ASCC3: variants seen among roughly 807,000 people sequenced by gnomAD.
The protein encoded by ASCC3 is ASC-1 complex subunit P200.
ASCC3 carries 158 observed loss-of-function variants against 256.3 expected under a neutral mutation model. The ratio of observed to expected loss-of-function variants is 0.62; its 90% CI spans 0.54 to 0.70. ASCC3 has a LOEUF of 0.70. ASCC3 is among the 30% of genes least tolerant of loss of function. The pLI is 0.00. For synonymous variants in ASCC3, 948 were observed against 883.4 expected, an observed-to-expected ratio of 1.07 and a Z score of -1.30; for missense variants, 2,259 against 2,626.0, an observed-to-expected ratio of 0.86 and a Z score of 3.05.
At chr6:100,804,838 T>C (rs187941419) in intron 5 of ASCC3, among the ~76,000 whole-genome samples, 1 of 152,248 alleles carries the variant, frequency 6.6e-6, no homozygotes, top group African/African-American at 2.4e-5. Flanking sequence ...TGAAAAGTAG[T>C]TTAGAGATTT....
intron 29 of ASCC3, among the ~76,000 whole-genome samples, chr6:100,627,043 C>T (rs1185579818): frequency 6.6e-6 from 1 of 152,100 alleles, no homozygotes; most frequent in African/African-American, 2.4e-5. Flanking sequence ...TCAACAGCAG[C>T]TCACATTTGA....
intron 10 of ASCC3, among the ~76,000 whole-genome samples, chr6:100,757,487 T>C (rs1365603901): frequency 1.3e-5 from 2 of 152,028 alleles, no homozygotes; most frequent in Non-Finnish European, 2.9e-5. Context: ...AAAATAAAAC[T>C]TTAAATCATT....
At position 100,841,659 on chromosome 6, in the gene ASCC3, A is replaced by G. The variant is rs77388522; in HGVS notation, c.801+6489T>C. 4.1e-5 allele frequency among the ~76,000 whole-genome samples: 6 copies of G among 147,640 alleles called. No individual in the cohort carries two copies. In the East Asian group the frequency reaches 1.2e-3, roughly 30 times the overall value. On this transcript the variant is annotated intron_variant, in intron 4 of 41. Coordinates refer to ENST00000369162, the MANE Select transcript of ASCC3 (RefSeq NM_006828.4). ...GTGTTGATAATGGATTAATGTCAAC[A>G]TAAAAGAAAACTGAAGTTGTGCATA...
chr6:100,718,149 G>C lies in ASCC3; in HGVS notation c.2005C>G (p.Leu669Val), dbSNP rs778332971. ...CGAAAACGGCCATCAAAGAAGAAAAGTCCAATGTATGGATTAACATGTAAA... is the reference window on the plus strand; with the variant it reads ...CGAAAACGGCCATCAAAGAAGAAAACTCCAATGTATGGATTAACATGTAAA... ...TFLHVNPYIG[L>V]FFFDGRFRPV... Residue 669 changes from leucine to valine, a missense_variant, in exon 12 of 42, where the codon CTT becomes GTT. This residue lies in a region of ASCC3 where 1,839 missense variants were observed against 2,206.7 expected (regional missense o/e 0.83). Transcript: ENST00000369162. 1.2e-6 allele frequency: 2 copies of C among 1,613,604 alleles called. No individual in the cohort carries two copies. The highest frequency in any genetic ancestry group is 1.7e-6 in the Non-Finnish European group (2 of 1,179,806).
At chr6:100,853,253 GTTTTC>G (rs1170817230) in intron 3 of ASCC3, among the ~76,000 whole-genome samples, 2 of 152,090 alleles carry the variant, frequency 1.3e-5, no homozygotes, top group African/African-American at 4.8e-5. Context: ...ATCTACGTCT[GTTTTC>G]TTTTGATTCA....
intron 19 of ASCC3, 84 bp downstream of exon 19, chr6:100,651,476 T>C: frequency 1.5e-6 from 1 of 652,572 alleles, no homozygotes; most frequent in Admixed American, 2.6e-5. Context: ...CCATACAGCT[T>C]ATATGGTATT....
intron 13 of ASCC3, among the ~76,000 whole-genome samples, chr6:100,681,556 G>A (rs1012936035): frequency 4.6e-5 from 7 of 151,486 alleles, no homozygotes; most frequent in Admixed American, 1.3e-4. Context: ...GTGAAACCCC[G>A]TCTCTACTAA....
At chr6:100,712,749 CTCTTTT>C in intron 13 of ASCC3, among the ~76,000 whole-genome samples, 1 of 105,080 alleles carries the variant, frequency 9.5e-6, no homozygotes, top group Admixed American at 1.4e-4. Flanking sequence ...AGCAATTATA[CTCTTTT>C]TTTTTTTTTT....
rs552752439 is a variant in ASCC3, at chr6:100,544,199, C to T, written c.5551-3812G>A. On this transcript the variant is annotated intron_variant, in intron 36 of 41. Coordinates refer to ENST00000369162, the MANE Select transcript of ASCC3 (RefSeq NM_006828.4). ...CTTAGGAGGGATTTATAAAACTAAA[C>T]ATCTATATTAGAATTGAAGAAAGGT... is the stretch of plus-strand genomic sequence containing the variant. Among the ~76,000 whole-genome samples, 11 of 152,140 alleles carry T rather than the reference C, an allele frequency of 7.2e-5. No homozygotes were observed. The South Asian group carries it at 2.3e-3, about 32-fold the overall frequency.
At chr6:100,729,306 G>A (rs1779785654) in intron 10 of ASCC3, among the ~76,000 whole-genome samples, 1 of 152,166 alleles carries the variant, frequency 6.6e-6, no homozygotes, top group South Asian at 2.1e-4. Flanking sequence ...GAGAGAATGT[G>A]TGTGTGAACA....
intron 36 of ASCC3, among the ~76,000 whole-genome samples, chr6:100,573,688 AGTT>A (rs1770711116): frequency 6.6e-6 from 1 of 152,090 alleles, no homozygotes; most frequent in African/African-American, 2.4e-5. Flanking sequence ...AATTCTACGT[AGTT>A]ATTATATCAC....
intron 13 of ASCC3, among the ~76,000 whole-genome samples, chr6:100,686,022 C>A (rs1382139267): frequency 6.6e-6 from 1 of 152,172 alleles, no homozygotes; most frequent in African/African-American, 2.4e-5. Flanking sequence ...AAGAGCCTGG[C>A]ATACAGCAAA....
intron 5 of ASCC3, among the ~76,000 whole-genome samples, chr6:100,803,228 T>C (rs1411477322): frequency 6.6e-6 from 1 of 152,160 alleles, no homozygotes; most frequent in Non-Finnish European, 1.5e-5. Context: ...TTAGGCTTTA[T>C]GTCCCCATAC....
At chr6:100,747,670 A>T (rs1010026143) in intron 10 of ASCC3, among the ~76,000 whole-genome samples, 2 of 152,156 alleles carry the variant, frequency 1.3e-5, no homozygotes, top group Non-Finnish European at 2.9e-5. Context: ...ATAAAATTTT[A>T]AAAATGTAAA....
At chr6:100,581,189 G>T (rs1224771553) in intron 36 of ASCC3, among the ~76,000 whole-genome samples, 1 of 152,154 alleles carries the variant, frequency 6.6e-6, no homozygotes, top group East Asian at 1.9e-4. Flanking sequence ...CTACTTTACA[G>T]TCCCACCAAC....
chr6:100,860,896 T>C (rs1166629943), intron 3 of ASCC3, among the ~76,000 whole-genome samples: 2 of 152,068 alleles, frequency 1.3e-5, no homozygotes, highest in Admixed American at 6.6e-5. Flanking sequence ...TGTCAACTCA[T>C]AAAGGAGTTT....
intron 3 of ASCC3, among the ~76,000 whole-genome samples, chr6:100,859,530 C>T (rs2114534453): frequency 6.6e-6 from 1 of 152,108 alleles, no homozygotes; most frequent in South Asian, 2.1e-4. Context: ...CCAGATTCTG[C>T]TACTATCTTT....
chr6:100,681,725 CAAAAAAAAAAAAA>C lies in ASCC3; in HGVS notation c.2152-1986_2152-1974del, dbSNP rs10696130. 1.5e-4 allele frequency among the ~76,000 whole-genome samples: 9 copies of C among 58,658 alleles called. No homozygotes were observed. In the South Asian group the frequency reaches 3.4e-3, roughly 22 times the overall value. The allele number at this position is 58,658 out of a possible 152,430, so 38.5% of individuals were successfully genotyped here. On this transcript the variant is annotated intron_variant, in intron 13 of 41. Transcript: ENST00000369162. Reference sequence around the variant, plus strand: ...CTGGCAACAGAGCGAGACTCCGTCTCAAAAAAAAAAAAAAAAAAAAAAGAAAAGAATATTTTAA... The same window carrying C: ...CTGGCAACAGAGCGAGACTCCGTCTCAAAAAAAAAGAAAAGAATATTTTAA...
At chr6:100,803,046 A>T (rs1281453871) in intron 5 of ASCC3, among the ~76,000 whole-genome samples, 2 of 152,130 alleles carry the variant, frequency 1.3e-5, no homozygotes, top group East Asian at 3.9e-4. Flanking sequence ...CTCTTTATTA[A>T]TATTTAGGAG....
Sources: gnomAD v4.1 joint callset for allele counts (sites outside exome capture counted in the v4.1 genomes callset) on GRCh38, gnomAD v4.1.1 for gene constraint, gnomAD v4.1.1 regional missense constraint, MANE v1.5 for transcripts, NCBI Gene and HGNC (gene_info 2026-07-23, HGNC 2026-07-21) for gene names.